Variants in CHD9 observed in about 807,000 individuals in gnomAD.
The protein encoded by CHD9 is ATP-dependent chromatin remodeler CHD9.
CHD9 carries 77 observed loss-of-function variants against 316.1 expected under a neutral mutation model. The observed-to-expected ratio is 0.24, with a 90% CI of 0.20 to 0.29. The LOEUF is 0.29. Ranked by LOEUF, CHD9 falls within the 10% of genes least tolerant of loss-of-function variation. CHD9 has a pLI of 1.00. For synonymous variants in CHD9, 1,129 were observed against 1,158.3 expected, an observed-to-expected ratio of 0.97 and a Z score of 0.51; for missense variants, 2,763 against 3,438.1, an observed-to-expected ratio of 0.80 and a Z score of 4.91.
chr16:53,303,679 A>T, intron 30 of CHD9, 41 bp from the exon 31 acceptor site: 1 of 1,373,800 alleles, frequency 7.3e-7, no homozygotes, highest in Non-Finnish European at 9.7e-7. Context: ...TAAATAAAGG[A>T]TTTTTGAGAT....
intron 2 of CHD9, among the ~76,000 whole-genome samples, chr16:53,162,786 T>C (rs1324351526): frequency 6.7e-6 from 1 of 149,882 alleles, no homozygotes; most frequent in African/African-American, 2.4e-5. Context: ...TATAAGCCTT[T>C]TTTTTTTTTT....
At chr16:53,269,925 G>A (rs765928003) in intron 22 of CHD9, among the ~76,000 whole-genome samples, 18 of 152,068 alleles carry the variant, frequency 1.2e-4, no homozygotes, top group Non-Finnish European at 2.2e-4. Flanking sequence ...ATATTGTAGT[G>A]CCAAGATTGA....
chr16:53,267,592 T>A, intron 21 of CHD9, 102 bp downstream of exon 21: 1 of 839,548 alleles, frequency 1.2e-6, no homozygotes, highest in Non-Finnish European at 1.8e-6. Context: ...TTAGAATCAT[T>A]AAAATTTACT....
chr16:53,323,933 A>G, intron 38 of CHD9, 87 bp from the exon 39 acceptor site: 2 of 1,135,968 alleles, frequency 1.8e-6, no homozygotes, highest in Non-Finnish European at 1.3e-6. Context: ...ATAATTACCT[A>G]TTTTTCATGG....
At chr16:53,134,181 T>C (rs2039548824) in intron 1 of CHD9, among the ~76,000 whole-genome samples, 1 of 152,132 alleles carries the variant, frequency 6.6e-6, no homozygotes, top group African/African-American at 2.4e-5. Context: ...TATGGAAACT[T>C]GAGGCAGTTG....
chr16:53,266,242 T>C, intron 20 of CHD9, among the ~76,000 whole-genome samples: 1 of 152,112 alleles, frequency 6.6e-6, no homozygotes. Context: ...AACTAGTAAC[T>C]TCACAGTGGA....
chr16:53,087,297 A>AC (rs2035543629), intron 1 of CHD9, among the ~76,000 whole-genome samples: 1 of 152,186 alleles, frequency 6.6e-6, no homozygotes, highest in South Asian at 2.1e-4. Context: ...GAGAGGGCAC[A>AC]CGGAGCAGAG....
At chr16:53,206,931 A>G (rs371563206) in intron 2 of CHD9, among the ~76,000 whole-genome samples, 52 of 152,290 alleles carry the variant, frequency 3.4e-4, no homozygotes, top group African/African-American at 1.2e-3. Flanking sequence ...GTGTTATCTC[A>G]TTATTGTTAT....
intron 1 of CHD9, among the ~76,000 whole-genome samples, chr16:53,091,719 G>A (rs918703177): frequency 6.6e-6 from 1 of 152,176 alleles, no homozygotes; most frequent in Non-Finnish European, 1.5e-5. Context: ...GGAGGATAAA[G>A]GAGCAAACGA....
In CHD9 at chr16:53,231,766, G is replaced by C; in HGVS notation, c.2493G>C (p.Arg831Ser). 6.2e-7 allele frequency: 1 copy of C among 1,603,852 alleles called. No homozygotes were observed. Among genetic ancestry groups the C allele is most frequent in the Non-Finnish European group, 8.5e-7 (1 of 1,177,148 alleles). The change falls in exon 10 of 39, where the codon AGG (arginine) becomes AGC (serine). Residue 831 changes from arginine (R) to serine (S), a missense_variant. Arg to Ser is a moderately radical substitution (Grantham distance 110). Coordinates refer to ENST00000447540, the MANE Select transcript of CHD9 (RefSeq NM_001308319.2). ...IEEFEQLQAS[R>S]PDTRRLDRPP... ...AGTTTGAACAACTGCAAGCTTCAAG[G>C]CCTGACACAAGACGTTTGGTAAGAA...
chr16:53,062,200 A>G (rs577160365), intron 1 of CHD9, among the ~76,000 whole-genome samples: 2 of 152,328 alleles, frequency 1.3e-5, no homozygotes, highest in East Asian at 3.9e-4. Context: ...TTTCATTGGA[A>G]AGACAGCAGT....
intron 1 of CHD9, among the ~76,000 whole-genome samples, chr16:53,064,995 G>GAAAGAA (rs2033359232): frequency 6.6e-6 from 1 of 151,352 alleles, no homozygotes; most frequent in African/African-American, 2.4e-5. Flanking sequence ...GAGAGAGAGA[G>GAAAGAA]AAAGAAAAAG....
At chr16:53,273,856 C>A in intron 23 of CHD9, 71 bp downstream of exon 23, 2 of 1,398,906 alleles carry the variant, frequency 1.4e-6, no homozygotes, top group South Asian at 1.4e-5. Flanking sequence ...ACTCTTTAAG[C>A]TTGCTGATTT....
chr16:53,310,049 G>A (rs2056330897), intron 34 of CHD9, among the ~76,000 whole-genome samples: 1 of 152,122 alleles, frequency 6.6e-6, no homozygotes, highest in Admixed American at 6.5e-5. Flanking sequence ...TATAAGTGTT[G>A]TCTTGAACTG....
chr16:53,295,780 C>T (rs1022140402), intron 29 of CHD9, among the ~76,000 whole-genome samples: 1 of 152,070 alleles, frequency 6.6e-6, no homozygotes, highest in Admixed American at 6.5e-5. Flanking sequence ...AAAGGCCTGT[C>T]CCATATGTTT....
At chr16:53,218,768 G>A (rs866198198) in intron 3 of CHD9, among the ~76,000 whole-genome samples, 8 of 152,088 alleles carry the variant, frequency 5.3e-5, no homozygotes, top group Non-Finnish European at 1.0e-4. Context: ...GTATTAATAG[G>A]CCATGATTTC....
rs2056758017 is a variant in CHD9 at position 53,314,818 on chromosome 16, T to A, written c.7363-5T>A. On this transcript the variant is annotated splice_polypyrimidine_tract_variant and splice_region_variant and intron_variant, in intron 35 of 38. Transcript: ENST00000447540. ...ATAAAGATACCATTTGGTGTTTTTT[T>A]ACAGGTTTCTTTAGGCTTAACCTCC... 2 of 1,585,544 alleles carry A rather than the reference T, an allele frequency of 1.3e-6. No individual in the cohort carries two copies. Among genetic ancestry groups the A allele is most frequent in the African/African-American group, 2.7e-5 (2 of 73,828 alleles).
Position 53,249,788 on chromosome 16 carries a change from G to A in CHD9, c.3666-83G>A, listed in dbSNP as rs1260431812. 7 of 1,102,688 alleles carry A rather than the reference G, an allele frequency of 6.3e-6. No individual in the cohort carries two copies. In the East Asian group the frequency reaches 1.5e-4, roughly 24 times the overall value. 68.3% of individuals were successfully genotyped at this position (1,102,688 alleles called of 1,614,324 possible). ...TTTTAGAGAAAACATAATGCTGCAG[G>A]AAAACTGACTTTACATTTGATAGAA... On this transcript the variant is annotated intron_variant, in intron 16 of 38. Coordinates refer to ENST00000447540, the MANE Select transcript of CHD9 (RefSeq NM_001308319.2).
chr16:53,281,507 T>A (rs1156710547), intron 24 of CHD9, among the ~76,000 whole-genome samples: 3 of 152,184 alleles, frequency 2.0e-5, no homozygotes, highest in Non-Finnish European at 4.4e-5. Context: ...CACTTTTGCC[T>A]CTCTAGGCCT....
Sources: gnomAD v4.1 joint callset for allele counts (sites outside exome capture counted in the v4.1 genomes callset) on GRCh38, gnomAD v4.1.1 for gene constraint, MANE v1.5 for transcripts, NCBI Gene and HGNC (gene_info 2026-07-23, HGNC 2026-07-21) for gene names.